The following PDE4B variants were observed in gnomAD, a reference collection of about 807,000 sequenced individuals.
PDE4B encodes the protein 3',5'-cyclic-AMP phosphodiesterase 4B.
Under a neutral mutation model 82.2 loss-of-function variants are expected in PDE4B, and 20 were observed. The observed-to-expected ratio is 0.24, with a 90% confidence interval of 0.17 to 0.35. PDE4B has a LOEUF of 0.35. Among genes scored for constraint, PDE4B ranks in the 10% least tolerant of loss-of-function variants. The probability of loss-of-function intolerance (pLI) is 1.00; values close to 1 mark genes in which losing one functional copy is unlikely to be tolerated. For missense variants in PDE4B, 655 were observed against 907.2 expected (o/e 0.72, Z 3.57); for synonymous variants, 320 against 318.9 (o/e 1.00, Z -0.04).
intron 3 of PDE4B, among the ~76,000 whole-genome samples, chr1:66,114,520 C>T (rs1303167934): frequency 1.3e-5 from 2 of 152,024 alleles, no homozygotes; most frequent in Admixed American, 1.3e-4. Flanking sequence ...AATAACGTAA[C>T]TTATATGCAA....
chr1:66,264,930 T>C (rs1420950363), intron 6 of PDE4B, among the ~76,000 whole-genome samples: 1 of 152,124 alleles, frequency 6.6e-6, no homozygotes, highest in Non-Finnish European at 1.5e-5. Context: ...CTCTTCAGGG[T>C]TGGAAAAAGA....
chr1:66,307,526 T>G (rs532976), intron 7 of PDE4B, among the ~76,000 whole-genome samples: 94,227 of 151,968 alleles, frequency 0.62, 29,852 homozygotes, highest in African/African-American at 0.72. Flanking sequence ...TAGAAAGTTG[T>G]GTTCTTGGTT....
At chr1:65,846,199 A>G (rs950179405) in intron 1 of PDE4B, among the ~76,000 whole-genome samples, 4 of 152,150 alleles carry the variant, frequency 2.6e-5, no homozygotes, top group Admixed American at 1.3e-4. Flanking sequence ...GTCTCTATCA[A>G]TGGGTCTCTA....
chr1:66,187,762 T>C (rs1398676890), intron 3 of PDE4B, among the ~76,000 whole-genome samples: 3 of 151,990 alleles, frequency 2.0e-5, no homozygotes, highest in Non-Finnish European at 4.4e-5. Flanking sequence ...CTATCAATTT[T>C]GTTGATCCTT....
intron 3 of PDE4B, among the ~76,000 whole-genome samples, chr1:66,166,661 G>A (rs1646737761): frequency 6.6e-6 from 1 of 151,410 alleles, no homozygotes; most frequent in Non-Finnish European, 1.5e-5. Flanking sequence ...TTGAACCCAG[G>A]AGGTGGAAAT....
intron 6 of PDE4B, among the ~76,000 whole-genome samples, chr1:66,264,364 C>T (rs1654888669): frequency 6.6e-6 from 1 of 152,180 alleles, no homozygotes; most frequent in Non-Finnish European, 1.5e-5. Context: ...AAAGAGCATG[C>T]ACTTTGGGTT....
chr1:66,331,829 G>C, intron 7 of PDE4B: 5 of 985,312 alleles, frequency 5.1e-6, no homozygotes, highest in Non-Finnish European at 6.0e-6. Context: ...TTTTAGACTG[G>C]AGTCTTATCA....
chr1:66,054,099 G>A (rs2100871966), intron 3 of PDE4B, among the ~76,000 whole-genome samples: 1 of 152,172 alleles, frequency 6.6e-6, no homozygotes, highest in East Asian at 1.9e-4. Context: ...TGGATCCAGG[G>A]TTTGAACCCT....
chr1:66,266,210 T>C, intron 7 of PDE4B, 123 bp downstream of exon 7: 1 of 764,852 alleles, frequency 1.3e-6, no homozygotes, highest in East Asian at 2.7e-5. Context: ...AAAGTATGTC[T>C]CTTGGTGACT....
chr1:66,361,562 G>A, intron 9 of PDE4B, 53 bp from the exon 10 acceptor site: 1 of 1,427,964 alleles, frequency 7.0e-7, no homozygotes, highest in South Asian at 1.3e-5. Flanking sequence ...GAATATTGCA[G>A]TGGATTCTCA....
intron 3 of PDE4B, among the ~76,000 whole-genome samples, chr1:66,104,812 T>G (rs1435823412): frequency 4.2e-4 from 63 of 149,246 alleles, no homozygotes; most frequent in Non-Finnish European, 4.8e-4. Flanking sequence ...TACATTTGTT[T>G]GAGTTCATTG....
intron 3 of PDE4B, among the ~76,000 whole-genome samples, chr1:66,228,407 G>C (rs954036643): frequency 3.3e-5 from 5 of 152,090 alleles, no homozygotes; most frequent in African/African-American, 4.8e-5. Context: ...GGCGGATCAC[G>C]AGGTCAGGAG....
intron 8 of PDE4B, among the ~76,000 whole-genome samples, chr1:66,337,102 T>C (rs1298983385): frequency 6.6e-6 from 1 of 152,238 alleles, no homozygotes; most frequent in Admixed American, 6.5e-5. Flanking sequence ...CTTAGAACTC[T>C]GTAAGAGAGA....
chr1:66,103,667 T>C (rs897308321), intron 3 of PDE4B, among the ~76,000 whole-genome samples: 1 of 152,088 alleles, frequency 6.6e-6, no homozygotes, highest in Non-Finnish European at 1.5e-5. Context: ...ATAAATAAGG[T>C]ATTTCCATAG....
chr1:65,965,065 A>G lies in PDE4B; in HGVS notation c.281+46230A>G, dbSNP rs986327629. Among the ~76,000 whole-genome samples, 7 of 152,110 alleles carry G rather than the reference A, an allele frequency of 4.6e-5. No homozygotes were observed. In the East Asian group the frequency reaches 1.4e-3, roughly 29 times the overall value. ...TTTTGAAGGGGATAGAATCTTACACAATTAACTAAAATGAGACATATATAT... is the reference window on the plus strand; with the variant it reads ...TTTTGAAGGGGATAGAATCTTACACGATTAACTAAAATGAGACATATATAT... On this transcript the variant is annotated intron_variant, in intron 3 of 16. Coordinates refer to ENST00000341517, the MANE Select transcript of PDE4B (RefSeq NM_002600.4).
chr1:66,205,109 A>G (rs1649442246), intron 3 of PDE4B, among the ~76,000 whole-genome samples: 1 of 152,224 alleles, frequency 6.6e-6, no homozygotes, highest in African/African-American at 2.4e-5. Flanking sequence ...GAAAAACTTA[A>G]GCATTATACT....
chr1:66,151,402 A>T (rs1036275201), intron 3 of PDE4B, among the ~76,000 whole-genome samples: 1 of 152,076 alleles, frequency 6.6e-6, no homozygotes. Context: ...TTTCTCTCAC[A>T]CTTTAAGCAT....
intron 3 of PDE4B, among the ~76,000 whole-genome samples, chr1:66,190,552 C>G (rs187029782): frequency 0.015 from 2,277 of 152,314 alleles, 66 homozygotes; most frequent in African/African-American, 0.051. Context: ...CCTCCCCCAG[C>G]CTCGCTGCCT....
intron 3 of PDE4B, among the ~76,000 whole-genome samples, chr1:66,066,259 A>C (rs1165596405): frequency 6.6e-6 from 1 of 151,770 alleles, no homozygotes; most frequent in Non-Finnish European, 1.5e-5. Context: ...TAGTAATGAG[A>C]TAGTCCCTAC....
Sources: allele counts gnomAD v4.1 joint callset (sites outside exome capture counted in the v4.1 genomes callset), GRCh38; gene constraint gnomAD v4.1.1; transcripts MANE v1.5; gene names NCBI Gene and HGNC (gene_info 2026-07-23, HGNC 2026-07-21).